The following NOS1AP variants were observed in gnomAD, a reference collection of about 807,000 sequenced individuals.
NOS1AP encodes nitric oxide synthase 1 adaptor protein.
NOS1AP carries 21 observed loss-of-function variants against 56.2 expected under a neutral mutation model. The observed-to-expected ratio is 0.37, with a 90% confidence interval of 0.26 to 0.54. NOS1AP has a LOEUF of 0.54. Among genes scored for constraint, NOS1AP ranks in the 20% least tolerant of loss-of-function variants. NOS1AP has a pLI of 0.84. For missense variants in NOS1AP, 522 were observed against 657.8 expected, an observed-to-expected ratio of 0.79 and a Z score of 2.26; for synonymous variants, 270 against 274.6, an observed-to-expected ratio of 0.98 and a Z score of 0.17.
intron 3 of NOS1AP, among the ~76,000 whole-genome samples, chr1:162,288,573 T>C (rs1655163278): frequency 6.6e-6 from 1 of 152,216 alleles, no homozygotes; most frequent in Non-Finnish European, 1.5e-5. Flanking sequence ...GTCCAGTGTA[T>C]GATTGGACAC....
chr1:162,131,609 A>G (rs1450804405), intron 1 of NOS1AP, among the ~76,000 whole-genome samples: 6 of 151,970 alleles, frequency 3.9e-5, no homozygotes, highest in African/African-American at 1.4e-4. Context: ...TTGCAGGGAC[A>G]TTTCCCTGGG....
intron 2 of NOS1AP, among the ~76,000 whole-genome samples, chr1:162,183,973 G>T (rs1158413507): frequency 6.6e-6 from 1 of 152,190 alleles, no homozygotes; most frequent in Non-Finnish European, 1.5e-5. Context: ...GGCACAGGAG[G>T]CCTAGCTTTC....
chr1:162,221,312 C>T (rs575479334), intron 2 of NOS1AP, among the ~76,000 whole-genome samples: 2 of 152,286 alleles, frequency 1.3e-5, no homozygotes, highest in Non-Finnish European at 1.5e-5. Context: ...CTCAGGAATT[C>T]GCATTGAAGG....
intron 1 of NOS1AP, among the ~76,000 whole-genome samples, chr1:162,148,910 A>G (rs1649590760): frequency 6.6e-6 from 1 of 152,134 alleles, no homozygotes; most frequent in South Asian, 2.1e-4. Context: ...GGTCCTGATC[A>G]CTGATTAGCT....
At chr1:162,153,392 GAACC>G (rs1649801136) in intron 1 of NOS1AP, among the ~76,000 whole-genome samples, 2 of 152,154 alleles carry the variant, frequency 1.3e-5, no homozygotes, top group Non-Finnish European at 2.9e-5. Flanking sequence ...GCCTCCCAAA[GAACC>G]AGAATTACAG....
intron 1 of NOS1AP, among the ~76,000 whole-genome samples, chr1:162,119,151 G>A (rs1648096114): frequency 6.6e-6 from 1 of 152,162 alleles, no homozygotes. Flanking sequence ...AACTGAAATA[G>A]TTTCCTGTCA....
chr1:162,108,837 A>G (rs1369908288), intron 1 of NOS1AP, among the ~76,000 whole-genome samples: 1 of 152,222 alleles, frequency 6.6e-6, no homozygotes, highest in Non-Finnish European at 1.5e-5. Context: ...AATAGTTGCC[A>G]ATAGATATGA....
intron 1 of NOS1AP, among the ~76,000 whole-genome samples, chr1:162,091,609 A>T (rs1441101680): frequency 1.3e-5 from 2 of 152,052 alleles, no homozygotes; most frequent in Admixed American, 6.6e-5. Context: ...ATTTTAAGTT[A>T]TTTTTCCCCC....
chr1:162,084,743 A>T (rs534679325), intron 1 of NOS1AP, among the ~76,000 whole-genome samples: 1 of 152,202 alleles, frequency 6.6e-6, no homozygotes, highest in South Asian at 2.1e-4. Context: ...CAGTGGCATG[A>T]TCATGGCTCA....
chr1:162,230,736 A>T (rs1404130959), intron 2 of NOS1AP, among the ~76,000 whole-genome samples: 1 of 152,208 alleles, frequency 6.6e-6, no homozygotes, highest in Non-Finnish European at 1.5e-5. Context: ...TATAAGTGGA[A>T]TTATGCAGTA....
chr1:162,181,857 G>A (rs753773957), intron 2 of NOS1AP, among the ~76,000 whole-genome samples: 13 of 152,244 alleles, frequency 8.5e-5, no homozygotes, highest in Non-Finnish European at 1.5e-4. Context: ...AGACCACTGA[G>A]TATGGTCTGA....
Position 162,358,206 on chromosome 1 carries a change from T to C in NOS1AP, c.939+1070T>C, listed in dbSNP as rs369313880. Among the ~76,000 whole-genome samples, 198 of 152,334 alleles carry C rather than the reference T, an allele frequency of 1.3e-3. 1 individual carries two copies. In the South Asian group the frequency reaches 0.024, roughly 19 times the overall value. On this transcript the variant is annotated intron_variant, in intron 8 of 9. Transcript: ENST00000361897. ...GTCTTCTGCTTACTCTTGTCCTGGC[T>C]CTTGAGTGGACTGAATCATCCAGCC...
At chr1:162,159,337 C>A (rs1272350327) in intron 2 of NOS1AP, among the ~76,000 whole-genome samples, 2 of 152,144 alleles carry the variant, frequency 1.3e-5, no homozygotes, top group South Asian at 4.1e-4. Flanking sequence ...TTATAAAAGG[C>A]AGAGCATGAA....
chr1:162,320,370 C>A (rs993440839), intron 4 of NOS1AP, among the ~76,000 whole-genome samples: 4 of 152,160 alleles, frequency 2.6e-5, no homozygotes, highest in African/African-American at 9.7e-5. Flanking sequence ...AGTGTACAAA[C>A]CTTTGTTGAT....
At chr1:162,174,853 T>C (rs920082253) in intron 2 of NOS1AP, among the ~76,000 whole-genome samples, 1 of 152,232 alleles carries the variant, frequency 6.6e-6, no homozygotes, top group African/African-American at 2.4e-5. Context: ...TAGGCTCCCC[T>C]GGACTGTGAC....
rs1371532705 is a variant in NOS1AP at position 162,336,501 on chromosome 1, A to G, written c.453+3376A>G. Among the ~76,000 whole-genome samples the G allele has an allele frequency of 2.0e-5, 3 of 152,202 alleles. No homozygotes were observed. The East Asian group carries it at 5.8e-4, about 29-fold the overall frequency. Reference sequence around the variant, plus strand: ...ATTACATGGGTATGAAGAGCTCCTTAACTCCGAATGGCCCAAATCACTTTA... The same window carrying G: ...ATTACATGGGTATGAAGAGCTCCTTGACTCCGAATGGCCCAAATCACTTTA... On this transcript the variant is annotated intron_variant, in intron 5 of 9. Coordinates refer to ENST00000361897, the MANE Select transcript of NOS1AP (RefSeq NM_014697.3).
chr1:162,176,599 C>T (rs900965148), intron 2 of NOS1AP, among the ~76,000 whole-genome samples: 1 of 145,324 alleles, frequency 6.9e-6, no homozygotes, highest in Admixed American at 7.2e-5. Context: ...ACCTCTGCCT[C>T]CTGGGTTCAA....
At chr1:162,156,449 C>G (rs1649978540) in intron 2 of NOS1AP, among the ~76,000 whole-genome samples, 1 of 152,106 alleles carries the variant, frequency 6.6e-6, no homozygotes, top group African/African-American at 2.4e-5. Context: ...CACCTTCTAG[C>G]TCAGATAGAA....
At position 162,294,224 on chromosome 1, in the gene NOS1AP, GAAGA is replaced by G. The variant is rs879481382; in HGVS notation, c.271-6401_271-6398del. On this transcript the variant is annotated intron_variant, in intron 3 of 9. Coordinates refer to ENST00000361897, the MANE Select transcript of NOS1AP (RefSeq NM_014697.3). ...GGAAGGAAGGAAGGAAGGAAGGAAG[GAAGA>G]AAGAAAGGAAGGAAGGATAGCAAAA... Among the ~76,000 whole-genome samples the G allele has an allele frequency of 8.9e-3, 1,333 of 149,722 alleles. 13 individuals carry two copies. Among genetic ancestry groups the G allele is most frequent in the Admixed American group, 0.015 (232 of 15,050 alleles).
Sources: gnomAD v4.1 joint callset for allele counts (sites outside exome capture counted in the v4.1 genomes callset) on GRCh38, gnomAD v4.1.1 for gene constraint, MANE v1.5 for transcripts, NCBI Gene and HGNC (gene_info 2026-07-23, HGNC 2026-07-21) for gene names.